The following PCSK2 variants were observed in gnomAD, a reference collection of about 807,000 sequenced individuals.
PCSK2 encodes neuroendocrine convertase 2.
In PCSK2, 14 loss-of-function variants were observed where a neutral mutation model predicts 69.7. The ratio of observed to expected loss-of-function variants is 0.20; its 90% CI spans 0.13 to 0.31. PCSK2 has a LOEUF of 0.31. PCSK2 is among the 10% of genes least tolerant of loss of function. The pLI is 1.00. For missense variants in PCSK2, 544 were observed against 842.5 expected (o/e 0.65, Z 4.39); for synonymous variants, 307 against 320.7 (o/e 0.96, Z 0.46).
chr20:17,248,999 G>A (rs1351365316), intron 1 of PCSK2, among the ~76,000 whole-genome samples: 1 of 152,120 alleles, frequency 6.6e-6, no homozygotes, highest in Non-Finnish European at 1.5e-5. Context: ...CTAAAAAAAT[G>A]AGGCAGCTAG....
intron 2 of PCSK2, among the ~76,000 whole-genome samples, chr20:17,351,227 G>A (rs570304784): frequency 6.6e-6 from 1 of 151,940 alleles, no homozygotes; most frequent in African/African-American, 2.4e-5. Flanking sequence ...TCAAATTAAG[G>A]TTCAAAAGTT....
chr20:17,349,468 G>A lies in PCSK2; in HGVS notation c.283-8859G>A, dbSNP rs776288611. Among the ~76,000 whole-genome samples, 4 of 152,070 alleles carry A rather than the reference G, an allele frequency of 2.6e-5. No homozygotes were observed. In the East Asian group the frequency reaches 5.8e-4, roughly 22 times the overall value. ...GAAGAACTTACTCTGTCACTATCTG[G>A]TGCCCAGCTCTGTGAGCACACCCCA... is the stretch of plus-strand genomic sequence containing the variant. On this transcript the variant is annotated intron_variant, in intron 2 of 11. Coordinates refer to ENST00000262545, the MANE Select transcript of PCSK2 (RefSeq NM_002594.5).
chr20:17,458,989 G>T (rs1441795761), intron 10 of PCSK2, among the ~76,000 whole-genome samples: 1 of 151,884 alleles, frequency 6.6e-6, no homozygotes, highest in Non-Finnish European at 1.5e-5. Context: ...AGGCTCGAGG[G>T]GTAGATGTCA....
At chr20:17,385,981 A>G (rs1172346972) in intron 5 of PCSK2, among the ~76,000 whole-genome samples, 1 of 152,206 alleles carries the variant, frequency 6.6e-6, no homozygotes, top group East Asian at 1.9e-4. Context: ...TTGACTCCAG[A>G]GATAAAGAGA....
chr20:17,409,699 T>C (rs1167684117), intron 6 of PCSK2, among the ~76,000 whole-genome samples: 2 of 152,244 alleles, frequency 1.3e-5, no homozygotes, highest in African/African-American at 4.8e-5. Flanking sequence ...TTTTGCCCCA[T>C]GGGTCTATGT....
intron 2 of PCSK2, among the ~76,000 whole-genome samples, chr20:17,347,821 A>G (rs1023548001): frequency 7.0e-6 from 1 of 143,826 alleles, no homozygotes; most frequent in African/African-American, 2.6e-5. Flanking sequence ...AGAAAGAAAG[A>G]AAGAAAGAAA....
In PCSK2 at chr20:17,360,621, C is replaced by T. The variant is rs1345101692; in HGVS notation, c.486C>T (p.Thr162=). ...TGGGATACACAGGGAAAGGTGTTACCATTGGAATTATGGATGATGGTGAGT... is the reference window on the plus strand; with the variant it reads ...TGGGATACACAGGGAAAGGTGTTACTATTGGAATTATGGATGATGGTGAGT... ...WELGYTGKGV[T]IGIMDDGIDY... The change falls in exon 4 of 12, where the codon ACC becomes ACT. Residue 162 remains threonine (T), a synonymous_variant. Transcript: ENST00000262545. The T allele has an allele frequency of 1.2e-6, 2 of 1,604,196 alleles. No individual in the cohort carries two copies. The highest frequency in any genetic ancestry group is 2.7e-5 in the African/African-American group (2 of 74,744).
intron 1 of PCSK2, among the ~76,000 whole-genome samples, chr20:17,245,026 G>GT (rs1385487560): frequency 6.6e-6 from 1 of 152,156 alleles, no homozygotes; most frequent in Non-Finnish European, 1.5e-5. Flanking sequence ...GGCAGAGCAG[G>GT]TCAGATCTCC....
At chr20:17,309,081 T>C (rs1316982881) in intron 2 of PCSK2, among the ~76,000 whole-genome samples, 1 of 152,184 alleles carries the variant, frequency 6.6e-6, no homozygotes, top group African/African-American at 2.4e-5. Context: ...TGGAGTATTG[T>C]GGCCATTTTC....
At chr20:17,281,304 T>TA (rs1231520391) in intron 2 of PCSK2, among the ~76,000 whole-genome samples, 2 of 152,186 alleles carry the variant, frequency 1.3e-5, no homozygotes, top group Non-Finnish European at 2.9e-5. Context: ...ACTCCCTTTT[T>TA]ATCTAAACAC....
At chr20:17,401,863 C>T (rs2031644393) in intron 5 of PCSK2, among the ~76,000 whole-genome samples, 1 of 152,100 alleles carries the variant, frequency 6.6e-6, no homozygotes, top group African/African-American at 2.4e-5. Flanking sequence ...TAAATTTTTC[C>T]ACCCAAGTTT....
At chr20:17,298,909 C>T (rs1330817296) in intron 2 of PCSK2, among the ~76,000 whole-genome samples, 2 of 152,050 alleles carry the variant, frequency 1.3e-5, no homozygotes, top group African/African-American at 4.8e-5. Flanking sequence ...ATTTGTTAAT[C>T]GCCTGTCCTT....
At chr20:17,478,213 C>T (rs1435811372) in intron 11 of PCSK2, among the ~76,000 whole-genome samples, 2 of 152,154 alleles carry the variant, frequency 1.3e-5, no homozygotes, top group Non-Finnish European at 2.9e-5. Context: ...TTTTTCCTCC[C>T]GTGTAAAACA....
chr20:17,240,891 C>A (rs1986544774), intron 1 of PCSK2, among the ~76,000 whole-genome samples: 1 of 152,170 alleles, frequency 6.6e-6, no homozygotes, highest in African/African-American at 2.4e-5. Context: ...TCAATTGTAT[C>A]AACAATGCAT....
chr20:17,401,683 G>A (rs951417287), intron 5 of PCSK2, among the ~76,000 whole-genome samples: 8 of 152,170 alleles, frequency 5.3e-5, no homozygotes, highest in African/African-American at 1.9e-4. Context: ...GCAGGTAGGG[G>A]TGTGCTGAAA....
At chr20:17,247,768 C>A (rs1986820233) in intron 1 of PCSK2, among the ~76,000 whole-genome samples, 1 of 152,210 alleles carries the variant, frequency 6.6e-6, no homozygotes, top group Non-Finnish European at 1.5e-5. Context: ...GAAGAGAACT[C>A]TAGTGTTTAA....
chr20:17,364,377 A>G (rs1600523512), intron 4 of PCSK2, among the ~76,000 whole-genome samples: 1 of 152,280 alleles, frequency 6.6e-6, no homozygotes, highest in African/African-American at 2.4e-5. Flanking sequence ...CCATCTTCAC[A>G]TTGCTGATAA....
intron 6 of PCSK2, among the ~76,000 whole-genome samples, chr20:17,416,011 T>C (rs564479673): frequency 1.1e-4 from 16 of 152,148 alleles, no homozygotes; most frequent in Non-Finnish European, 1.9e-4. Context: ...TTATACCTTA[T>C]ACAAAAATTA....
At chr20:17,235,886 T>C (rs763050505) in intron 1 of PCSK2, among the ~76,000 whole-genome samples, 24 of 152,222 alleles carry the variant, frequency 1.6e-4, no homozygotes, top group East Asian at 1.3e-3. Flanking sequence ...TATTCATGAA[T>C]ACCGTGAGTG....
Sources: gnomAD v4.1 joint callset for allele counts (sites outside exome capture counted in the v4.1 genomes callset) on GRCh38, gnomAD v4.1.1 for gene constraint, MANE v1.5 for transcripts, NCBI Gene and HGNC (gene_info 2026-07-23, HGNC 2026-07-21) for gene names.